CAPZA1: variants seen among roughly 807,000 people sequenced by gnomAD.
The protein encoded by CAPZA1 is F-actin-capping protein subunit alpha-1.
CAPZA1 carries 10 observed loss-of-function variants against 40.8 expected under a neutral mutation model. That is an observed-to-expected ratio of 0.25 (90% CI 0.15 to 0.42). The LOEUF (loss-of-function observed/expected upper bound fraction) is 0.42. Among genes scored for constraint, CAPZA1 ranks in the 10% least tolerant of loss-of-function variants. The pLI, the probability that CAPZA1 is intolerant of heterozygous loss-of-function variation, is 1.00. For synonymous variants in CAPZA1, 98 were observed against 115.0 expected (o/e 0.85, Z 0.95); for missense variants, 277 against 353.8 (o/e 0.78, Z 1.74).
At chr1:112,657,449 G>A (rs1300566142) in intron 5 of CAPZA1, among the ~76,000 whole-genome samples, 14 of 152,102 alleles carry the variant, frequency 9.2e-5, no homozygotes, top group Admixed American at 8.5e-4. Context: ...TACAGAAACT[G>A]CTCTGAGTTT....
Position 112,671,039 on chromosome 1 carries a change from A to T in CAPZA1, c.*907A>T, listed in dbSNP as rs1361820858. On this transcript the variant is annotated 3_prime_UTR_variant, in exon 10 of 10. Transcript: ENST00000263168. ...AATGAATTAAACAGCTATGTAAATC[A>T]TAAAGAAAAACTAAAAATGAACCAA... 2 of 152,658 alleles carry T rather than the reference A, an allele frequency of 1.3e-5. No homozygotes were observed. Among genetic ancestry groups the T allele is most frequent in the East Asian group, 3.8e-4 (2 of 5,204 alleles). 9.5% of individuals were successfully genotyped at this position (152,658 alleles called of 1,614,324 possible).
intron 1 of CAPZA1, among the ~76,000 whole-genome samples, chr1:112,640,945 CAT>C (rs1417809236): frequency 6.6e-6 from 1 of 152,204 alleles, no homozygotes; most frequent in East Asian, 1.9e-4. Context: ...CTCTCTGAAA[CAT>C]GTGCTGTGTC....
At chr1:112,648,341 A>ATT (rs1671320164) in intron 2 of CAPZA1, among the ~76,000 whole-genome samples, 2 of 128,334 alleles carry the variant, frequency 1.6e-5, no homozygotes, top group African/African-American at 6.1e-5. Flanking sequence ...TTCCTGTTGA[A>ATT]TTTTTCTTTT....
intron 3 of CAPZA1, among the ~76,000 whole-genome samples, chr1:112,652,260 TC>T (rs1282820350): frequency 1.3e-5 from 2 of 152,052 alleles, no homozygotes; most frequent in East Asian, 1.9e-4. Flanking sequence ...GGTGGGCGGA[TC>T]ACCTGAGGTT....
chr1:112,648,347 C>CTTTTTTTTTTTTTTTTTTTTTTTTTTT (rs35670246), intron 2 of CAPZA1, among the ~76,000 whole-genome samples: 1 of 99,388 alleles, frequency 1.0e-5, no homozygotes, highest in Non-Finnish European at 2.1e-5. Context: ...TTGAATTTTT[C>CTTTTTTTTTTTTTTTTTTTTTTTTTTT]TTTTTTTTTT....
intron 1 of CAPZA1, among the ~76,000 whole-genome samples, chr1:112,640,608 G>GC (rs34881817): frequency 8.7e-5 from 13 of 149,662 alleles, no homozygotes; most frequent in African/African-American, 2.7e-4. Context: ...GGGGGGGTCA[G>GC]CCCCCCGCCC....
At position 112,647,200 on chromosome 1, in the gene CAPZA1, T is replaced by C; in HGVS notation, c.40-10T>C. ...TAATTCTCCTAAGTGTAAATTTTGT[T>C]TCTCTTTAGGTACGCATAGCTGCTA... is the stretch of plus-strand genomic sequence containing the variant. On this transcript the variant is annotated splice_polypyrimidine_tract_variant and intron_variant, in intron 1 of 9. Transcript: ENST00000263168. 1 of 1,448,066 alleles carries C rather than the reference T, an allele frequency of 6.9e-7. No homozygotes were observed. The highest frequency in any genetic ancestry group is 9.3e-7 in the Non-Finnish European group (1 of 1,076,078). 89.7% of individuals were successfully genotyped at this position (1,448,066 alleles called of 1,614,324 possible).
chr1:112,642,632 T>G (rs757881439), intron 1 of CAPZA1, among the ~76,000 whole-genome samples: 1 of 152,212 alleles, frequency 6.6e-6, no homozygotes, highest in Admixed American at 6.5e-5. Context: ...TTGAGGGTAG[T>G]GACAATGTCT....
chr1:112,639,298 A>G (rs945762952), intron 1 of CAPZA1, among the ~76,000 whole-genome samples: 27 of 151,854 alleles, frequency 1.8e-4, no homozygotes, highest in Admixed American at 1.7e-3. Context: ...AAACTGGGAG[A>G]TGTTTTGGTT....
chr1:112,654,906 C>G (rs1671467749), intron 5 of CAPZA1, among the ~76,000 whole-genome samples: 1 of 152,128 alleles, frequency 6.6e-6, no homozygotes, highest in East Asian at 1.9e-4. Flanking sequence ...TCTGTTTTCA[C>G]ATTTGACTTA....
intron 7 of CAPZA1, among the ~76,000 whole-genome samples, chr1:112,665,221 G>A (rs1671702362): frequency 7.2e-6 from 1 of 138,156 alleles, no homozygotes; most frequent in African/African-American, 2.7e-5. Flanking sequence ...CTGTCACCCA[G>A]GCTGGAATGC....
At chr1:112,648,836 G>A (rs1671332600) in intron 2 of CAPZA1, among the ~76,000 whole-genome samples, 1 of 152,058 alleles carries the variant, frequency 6.6e-6, no homozygotes, top group African/African-American at 2.4e-5. Flanking sequence ...GGTGGCAGGT[G>A]CGTGTAATCC....
At chr1:112,628,926 A>G (rs1670866813) in intron 1 of CAPZA1, among the ~76,000 whole-genome samples, 2 of 151,872 alleles carry the variant, frequency 1.3e-5, no homozygotes, top group South Asian at 4.2e-4. Flanking sequence ...TATTCTAACC[A>G]CTCTGGAAGA....
chr1:112,648,064 G>A (rs376841686), intron 2 of CAPZA1, among the ~76,000 whole-genome samples: 20 of 152,218 alleles, frequency 1.3e-4, no homozygotes, highest in East Asian at 9.6e-4. Context: ...TTAGCTACTC[G>A]AGAGGAACTG....
intron 1 of CAPZA1, among the ~76,000 whole-genome samples, chr1:112,633,605 C>G (rs1187165062): frequency 6.6e-6 from 1 of 152,158 alleles, no homozygotes; most frequent in Non-Finnish European, 1.5e-5. Flanking sequence ...CTTTGGCTAT[C>G]TATCCAGAAG....
At chr1:112,644,631 T>G (rs997130189) in intron 1 of CAPZA1, among the ~76,000 whole-genome samples, 1 of 152,142 alleles carries the variant, frequency 6.6e-6, no homozygotes, top group African/African-American at 2.4e-5. Flanking sequence ...AGGCTCAGTT[T>G]ATTGTTAGAT....
intron 7 of CAPZA1, among the ~76,000 whole-genome samples, chr1:112,662,098 A>C (rs953563550): frequency 6.6e-6 from 1 of 152,192 alleles, no homozygotes; most frequent in African/African-American, 2.4e-5. Context: ...CTTAGAACAC[A>C]TAAGTTTTGA....
intron 1 of CAPZA1, among the ~76,000 whole-genome samples, chr1:112,645,819 G>A (rs939726625): frequency 1.3e-5 from 2 of 151,712 alleles, no homozygotes; most frequent in Admixed American, 1.3e-4. Flanking sequence ...TTGTTATGCT[G>A]GGCCTGTTGA....
At chr1:112,658,816 C>A (rs781632222) in intron 5 of CAPZA1, among the ~76,000 whole-genome samples, 6 of 152,128 alleles carry the variant, frequency 3.9e-5, no homozygotes, top group Non-Finnish European at 8.8e-5. Flanking sequence ...GCAGTATTTC[C>A]CTCTGTTTTC....
Sources: gnomAD v4.1 joint callset for allele counts (sites outside exome capture counted in the v4.1 genomes callset) on GRCh38, gnomAD v4.1.1 for gene constraint, MANE v1.5 for transcripts, NCBI Gene and HGNC (gene_info 2026-07-23, HGNC 2026-07-21) for gene names.